DENND2C: variants seen among roughly 807,000 people sequenced by gnomAD.
DENND2C encodes the protein DENN domain containing 2C.
DENND2C carries 72 observed loss-of-function variants against 112.4 expected under a neutral mutation model. That is an observed-to-expected ratio of 0.64 (90% CI 0.53 to 0.78). DENND2C has a LOEUF of 0.78. DENND2C is among the 30% of genes least tolerant of loss of function. The probability of loss-of-function intolerance (pLI) is 0.00; values close to 1 mark genes in which losing one functional copy is unlikely to be tolerated. For synonymous variants in DENND2C, 329 were observed against 381.6 expected, an observed-to-expected ratio of 0.86 and a Z score of 1.61; for missense variants, 992 against 1,113.8, an observed-to-expected ratio of 0.89 and a Z score of 1.56.
At chr1:114,629,689 A>G (rs1457471033) in intron 3 of DENND2C, among the ~76,000 whole-genome samples, 1 of 152,170 alleles carries the variant, frequency 6.6e-6, no homozygotes, top group Non-Finnish European at 1.5e-5. Flanking sequence ...TTCATCCAAG[A>G]AATATACCAA....
chr1:114,643,462 T>C (rs1266590796), intron 3 of DENND2C, among the ~76,000 whole-genome samples: 1 of 152,160 alleles, frequency 6.6e-6, no homozygotes, highest in African/African-American at 2.4e-5. Flanking sequence ...AGGACCAGAC[T>C]AATAGGGAAA....
chr1:114,630,987 G>A (rs527803229), intron 3 of DENND2C, among the ~76,000 whole-genome samples: 2 of 152,178 alleles, frequency 1.3e-5, no homozygotes, highest in East Asian at 1.9e-4. Context: ...ACCCTAACAA[G>A]GATTAAGTTG....
At chr1:114,587,550 C>T (rs868791049) in intron 19 of DENND2C, 77 bp from the exon 20 acceptor site, 1 of 1,536,788 alleles carries the variant, frequency 6.5e-7, no homozygotes, top group Non-Finnish European at 9.0e-7. Context: ...GTGCTTATAA[C>T]CAGTGTATTA....
At chr1:114,605,127 G>T in intron 10 of DENND2C, 96 bp from the exon 11 acceptor site, 1 of 825,484 alleles carries the variant, frequency 1.2e-6, no homozygotes, top group Non-Finnish European at 1.9e-6. Flanking sequence ...AAAGGTCTCT[G>T]ATAAGCCTGA....
At chr1:114,598,498 C>T (rs1235740405) in intron 16 of DENND2C, among the ~76,000 whole-genome samples, 2 of 151,852 alleles carry the variant, frequency 1.3e-5, no homozygotes, top group Non-Finnish European at 2.9e-5. Flanking sequence ...CCATAAAAGT[C>T]AAGATAATGA....
At chr1:114,605,089 AT>A in intron 10 of DENND2C, 58 bp from the exon 11 acceptor site, 2 of 1,297,858 alleles carry the variant, frequency 1.5e-6, no homozygotes, top group Non-Finnish European at 2.1e-6. Context: ...GGGAATAGAA[AT>A]AAAAAACTCA....
At chr1:114,655,630 C>T (rs886081633) in intron 1 of DENND2C, among the ~76,000 whole-genome samples, 2 of 151,694 alleles carry the variant, frequency 1.3e-5, no homozygotes, top group African/African-American at 2.4e-5. Context: ...ATTACAGGCG[C>T]CCACCACCAT....
At chr1:114,592,351 G>A (rs1017628064) in intron 18 of DENND2C, among the ~76,000 whole-genome samples, 1 of 152,172 alleles carries the variant, frequency 6.6e-6, no homozygotes, top group African/African-American at 2.4e-5. Context: ...AATTTTTGAT[G>A]TCTAGTAGTG....
intron 3 of DENND2C, among the ~76,000 whole-genome samples, chr1:114,642,453 A>G (rs181208366): frequency 7.2e-5 from 11 of 152,236 alleles, no homozygotes; most frequent in African/African-American, 2.2e-4. Flanking sequence ...TTCGAGTTAG[A>G]ATTCAAACAC....
chr1:114,616,149 G>C (rs1289666080), intron 8 of DENND2C, among the ~76,000 whole-genome samples: 2 of 151,624 alleles, frequency 1.3e-5, no homozygotes, highest in Admixed American at 6.6e-5. Context: ...TAGCACTCTG[G>C]GAGGCCCAGG....
chr1:114,664,710 C>T (rs1005079152), intron 1 of DENND2C, among the ~76,000 whole-genome samples: 1 of 151,622 alleles, frequency 6.6e-6, no homozygotes, highest in South Asian at 2.1e-4. Context: ...AAACTCCTGA[C>T]TGAAGTGACC....
chr1:114,660,616 G>A (rs986884245), intron 1 of DENND2C, among the ~76,000 whole-genome samples: 21 of 152,210 alleles, frequency 1.4e-4, no homozygotes, highest in African/African-American at 3.9e-4. Context: ...ACTTGCACGG[G>A]AGGCTGGACA....
chr1:114,612,927 C>A (rs563982045), intron 8 of DENND2C, among the ~76,000 whole-genome samples: 2 of 152,320 alleles, frequency 1.3e-5, no homozygotes, highest in African/African-American at 4.8e-5. Context: ...TCCCAAAGTG[C>A]TGGAGTTACA....
chr1:114,657,960 C>T (rs1657379380), intron 1 of DENND2C, among the ~76,000 whole-genome samples: 1 of 152,192 alleles, frequency 6.6e-6, no homozygotes, highest in Non-Finnish European at 1.5e-5. Flanking sequence ...TTATCAGCAT[C>T]TGCCAGGAAG....
intron 3 of DENND2C, among the ~76,000 whole-genome samples, chr1:114,644,543 A>G (rs1656927397): frequency 6.6e-6 from 1 of 152,186 alleles, no homozygotes; most frequent in Non-Finnish European, 1.5e-5. Context: ...TAGAATGGGG[A>G]AGCTTCTTAG....
intron 9 of DENND2C, among the ~76,000 whole-genome samples, chr1:114,610,698 T>C (rs910902322): frequency 4.2e-5 from 5 of 119,846 alleles, no homozygotes; most frequent in African/African-American, 1.3e-4. Context: ...AGACTCCGTC[T>C]CAAAAAAAAA....
chr1:114,626,543 C>T (rs1219542519), intron 3 of DENND2C, among the ~76,000 whole-genome samples: 2 of 139,824 alleles, frequency 1.4e-5, no homozygotes, highest in Non-Finnish European at 3.0e-5. Context: ...CAGAGTCTCG[C>T]TCTGTCACTA....
At chr1:114,603,458 G>T (rs191283831) in intron 11 of DENND2C, among the ~76,000 whole-genome samples, 2 of 151,010 alleles carry the variant, frequency 1.3e-5, no homozygotes, top group Non-Finnish European at 1.5e-5. Context: ...TTAAGAGACT[G>T]GGTCTCACTG....
intron 1 of DENND2C, among the ~76,000 whole-genome samples, chr1:114,661,776 TC>T (rs1657498642): frequency 6.6e-6 from 1 of 152,232 alleles, no homozygotes; most frequent in African/African-American, 2.4e-5. Context: ...TTCGTTTTTT[TC>T]TTCTAATAAT....
Sources: allele counts gnomAD v4.1 joint callset (sites outside exome capture counted in the v4.1 genomes callset), GRCh38; gene constraint gnomAD v4.1.1; transcripts MANE v1.5; gene names NCBI Gene and HGNC (gene_info 2026-07-23, HGNC 2026-07-21).